The following SMYD4 variants were observed in gnomAD, a reference collection of about 807,000 sequenced individuals.
SMYD4 encodes protein-lysine N-methyltransferase SMYD4.
A neutral mutation model predicts 72.8 loss-of-function variants in SMYD4; 68 were observed. The observed-to-expected ratio is 0.93, with a 90% CI of 0.77 to 1.14. The LOEUF (loss-of-function observed/expected upper bound fraction) is 1.14. Among genes scored for constraint, SMYD4 ranks in the 50% most tolerant of loss-of-function variants. The pLI is 0.00. For missense variants in SMYD4, 984 were observed against 1,003.7 expected, an observed-to-expected ratio of 0.98 and a Z score of 0.27; for synonymous variants, 407 against 388.6, an observed-to-expected ratio of 1.05 and a Z score of -0.56.
Position 1,785,439 on chromosome 17 carries a change from G to GAAAAAAA in SMYD4, c.1885-985_1885-979dup, listed in dbSNP as rs56261871. Among the ~76,000 whole-genome samples, 74 of 124,484 alleles carry GAAAAAAA rather than the reference G, an allele frequency of 5.9e-4. 1 individual carries two copies. Among genetic ancestry groups the GAAAAAAA allele is most frequent in the East Asian group, 9.5e-4 (4 of 4,190 alleles). 81.7% of individuals were successfully genotyped at this position (124,484 alleles called of 152,430 possible). A position where few individuals can be genotyped will look rare whatever the true frequency, so the allele number is the denominator to read the frequency against. ...GAGACTCTGTCTCACAAAAGAAAAA[G>GAAAAAAA]AAAAAAAAAAAAAAAAGAAAACCAA... On this transcript the variant is annotated intron_variant, in intron 7 of 10. Coordinates refer to ENST00000305513, the MANE Select transcript of SMYD4 (RefSeq NM_052928.3).
Position 1,786,844 on chromosome 17 carries a change from G to A in SMYD4, c.1850C>T (p.Ala617Val), listed in dbSNP as rs1323559031. 1.9e-6 allele frequency: 3 copies of A among 1,614,104 alleles called. No individual in the cohort carries two copies. The highest frequency in any genetic ancestry group is 2.5e-6 in the Non-Finnish European group (3 of 1,180,050). Residue 617 changes from alanine to valine, a missense_variant, in exon 7 of 11, where the codon GCA becomes GTA. Ala to Val is a moderately conservative substitution (Grantham distance 64). Transcript: ENST00000305513. ...CGCTCCGCAACTGTTGCAACAGAAT[G>A]CTTCCCACCTGGGCCCTGCAGCCAT... ...HRMAAGPRWE[A>V]FCCNSCGAPM...
At chr17:1,788,252 T>C (rs1357687448) in intron 5 of SMYD4, among the ~76,000 whole-genome samples, 1 of 151,750 alleles carries the variant, frequency 6.6e-6, no homozygotes, top group Non-Finnish European at 1.5e-5. Context: ...CTCAGGAGGC[T>C]GAGGTGGGAG....
chr17:1,818,046 CAAA>C (rs540448588), intron 2 of SMYD4, among the ~76,000 whole-genome samples: 1 of 103,248 alleles, frequency 9.7e-6, no homozygotes, highest in African/African-American at 3.8e-5. Context: ...GACTCTGTCT[CAAA>C]AAAAAAAAAA....
chr17:1,824,219 T>C (rs1201430982), intron 2 of SMYD4, among the ~76,000 whole-genome samples: 3 of 152,118 alleles, frequency 2.0e-5, no homozygotes, highest in Non-Finnish European at 4.4e-5. Flanking sequence ...GGCGTGTGCC[T>C]GTAACCCTAG....
intron 6 of SMYD4, among the ~76,000 whole-genome samples, 173 bp downstream of exon 6, chr17:1,787,249 C>T (rs774110125): frequency 5.4e-4 from 82 of 152,306 alleles, no homozygotes; most frequent in Admixed American, 8.5e-4. Context: ...GGCCCTAGCA[C>T]GAAGGCCATT....
At position 1,812,066 on chromosome 17, in the gene SMYD4, C is replaced by T. The variant is rs1910357509; in HGVS notation, c.184G>A (p.Gly62Arg). 2 of 1,614,034 alleles carry T rather than the reference C, an allele frequency of 1.2e-6. No individual in the cohort carries two copies. Among genetic ancestry groups the T allele is most frequent in the South Asian group, 1.1e-5 (1 of 91,086 alleles). The change falls in exon 3 of 11, where the codon GGA (glycine) becomes AGA (arginine). Residue 62 changes from glycine (G) to arginine (R), a missense_variant. Coordinates refer to ENST00000305513, the MANE Select transcript of SMYD4 (RefSeq NM_052928.3). ...LKRLSKGYLV[G>R]KDSDAPLFYR... Reference sequence around the variant, plus strand: ...AAAAGAGGAGCGTCCGAGTCCTTTCCCACCAAGTAACCTTTAGAAAGTCTT... The same window carrying T: ...AAAAGAGGAGCGTCCGAGTCCTTTCTCACCAAGTAACCTTTAGAAAGTCTT...
chr17:1,818,007 A>G (rs113068971), intron 2 of SMYD4, among the ~76,000 whole-genome samples: 227 of 145,204 alleles, frequency 1.6e-3, no homozygotes, highest in African/African-American at 5.2e-3. Context: ...AGATCGTGCC[A>G]CTGCACTCCA....
chr17:1,827,030 G>A (rs917937810), intron 2 of SMYD4, among the ~76,000 whole-genome samples: 8 of 152,078 alleles, frequency 5.3e-5, no homozygotes, highest in Admixed American at 1.3e-4. Context: ...GTGTACGCCT[G>A]TAATCCTAGC....
chr17:1,794,039 A>C lies in SMYD4; in HGVS notation c.1537+5818T>G, dbSNP rs1362287970. Reference sequence around the variant, plus strand: ...TATATATGTGTGTATATATATATGTATGTATATATATATGTGTGTATATAT... The same window carrying C: ...TATATATGTGTGTATATATATATGTCTGTATATATATATGTGTGTATATAT... On this transcript the variant is annotated intron_variant, in intron 5 of 10. Transcript: ENST00000305513. Among the ~76,000 whole-genome samples the C allele has an allele frequency of 3.7e-3, 251 of 68,066 alleles. 4 individuals are homozygous for C. The highest frequency in any genetic ancestry group is 0.021 in the African/African-American group (241 of 11,464). The allele number at this position is 68,066 out of a possible 152,430, so 44.7% of individuals were successfully genotyped here.
intron 5 of SMYD4, among the ~76,000 whole-genome samples, chr17:1,798,008 A>G (rs1281978567): frequency 1.3e-5 from 2 of 152,056 alleles, no homozygotes; most frequent in African/African-American, 4.8e-5. Context: ...TCTCAGAAAA[A>G]AAAAGAAAAA....
chr17:1,828,093 G>C (rs924995497), intron 1 of SMYD4, 87 bp from the exon 2 acceptor site: 113 of 1,364,812 alleles, frequency 8.3e-5, no homozygotes, highest in Non-Finnish European at 1.0e-4. Flanking sequence ...GCTCACACCT[G>C]TAATCCCAGC....
At chr17:1,785,439 GAA>G (rs56261871) in intron 7 of SMYD4, among the ~76,000 whole-genome samples, 25 of 124,550 alleles carry the variant, frequency 2.0e-4, no homozygotes, top group African/African-American at 7.1e-4. Flanking sequence ...AAAAGAAAAA[GAA>G]AAAAAAAAAA....
In SMYD4 at chr17:1,784,335, C is replaced by T. The variant is rs963708168; in HGVS notation, c.2011G>A (p.Gly671Ser). The T allele has an allele frequency of 1.9e-6, 3 of 1,614,078 alleles. No individual in the cohort carries two copies. Among genetic ancestry groups the T allele is most frequent in the Non-Finnish European group, 2.5e-6 (3 of 1,180,052 alleles). ...AGGGAGCCAGTCTCACCTAGTTCACCATCTCTGAGAAGCTTCTGGGCCACT... is the reference window on the plus strand; with the variant it reads ...AGGGAGCCAGTCTCACCTAGTTCACTATCTCTGAGAAGCTTCTGGGCCACT... ...VRVAQKLLRDGELERAVQRLS... is the reference protein window; with the variant it reads ...VRVAQKLLRDSELERAVQRLS... Residue 671 changes from glycine to serine, a missense_variant, in exon 8 of 11, where the codon GGT (glycine) becomes AGT (serine). Coordinates refer to ENST00000305513, the MANE Select transcript of SMYD4 (RefSeq NM_052928.3).
chr17:1,829,893 G>C lies in SMYD4; in HGVS notation c.-180C>G. On this transcript the variant is annotated 5_prime_UTR_variant, in exon 1 of 11. Transcript: ENST00000305513. ...GCGTCCCGCGCCAGGCCTCGCTTGG[G>C]ACCATGGGTGGGTCACGTGGGCCGC... is the stretch of plus-strand genomic sequence containing the variant. 1 of 439,196 alleles carries C rather than the reference G, an allele frequency of 2.3e-6. No individual in the cohort carries two copies. The highest frequency in any genetic ancestry group is 3.7e-6 in the Non-Finnish European group (1 of 273,100). The allele number at this position is 439,196 out of a possible 1,614,324, so 27.2% of individuals were successfully genotyped here. A position where few individuals can be genotyped will look rare whatever the true frequency, so the allele number is the denominator to read the frequency against.
chr17:1,799,687 T>G (rs370352057), intron 5 of SMYD4, among the ~76,000 whole-genome samples, 170 bp downstream of exon 5: 1 of 152,142 alleles, frequency 6.6e-6, no homozygotes, highest in South Asian at 2.1e-4. Flanking sequence ...TCAAATAATT[T>G]AAGGTCATAT....
chr17:1,804,511 AT>A, intron 4 of SMYD4, 114 bp downstream of exon 4: 1 of 921,052 alleles, frequency 1.1e-6, no homozygotes, highest in Non-Finnish European at 1.7e-6. Flanking sequence ...AATTCAACCA[AT>A]AGCAGCATGA....
At chr17:1,829,098 C>A (rs1228453002) in intron 1 of SMYD4, among the ~76,000 whole-genome samples, 1 of 152,172 alleles carries the variant, frequency 6.6e-6, no homozygotes, top group Admixed American at 6.6e-5. Context: ...TTCAATCCAG[C>A]CTCCAACACT....
chr17:1,791,508 G>A (rs1903781146), intron 5 of SMYD4, among the ~76,000 whole-genome samples: 1 of 152,126 alleles, frequency 6.6e-6, no homozygotes, highest in Non-Finnish European at 1.5e-5. Context: ...TAAATTGAGA[G>A]GGATTGGAAC....
intron 5 of SMYD4, among the ~76,000 whole-genome samples, chr17:1,790,005 G>A (rs548629079): frequency 1.2e-4 from 19 of 152,096 alleles, no homozygotes; most frequent in African/African-American, 2.9e-4. Context: ...CCCCTTGTCC[G>A]GTGCCCACCT....
Sources: gnomAD v4.1 joint callset for allele counts (sites outside exome capture counted in the v4.1 genomes callset) on GRCh38, gnomAD v4.1.1 for gene constraint, MANE v1.5 for transcripts, NCBI Gene and HGNC (gene_info 2026-07-23, HGNC 2026-07-21) for gene names.